FABP5: variants seen among roughly 807,000 people sequenced by gnomAD.
FABP5 encodes fatty acid-binding protein 5.
A neutral mutation model predicts 16.9 loss-of-function variants in FABP5; 7 were observed. The observed-to-expected ratio is 0.41, with a 90% CI of 0.24 to 0.78. The LOEUF is 0.78. Ranked by LOEUF, FABP5 falls within the 30% of genes least tolerant of loss-of-function variation. FABP5 has a pLI of 0.30. For missense variants in FABP5, 119 were observed against 159.5 expected, an observed-to-expected ratio of 0.75 and a Z score of 1.37; for synonymous variants, 37 against 52.8, an observed-to-expected ratio of 0.70 and a Z score of 1.30.
At chr8:81,283,243 G>C (rs1260757294) in intron 1 of FABP5, 123 bp from the exon 2 acceptor site, 3 of 812,112 alleles carry the variant, frequency 3.7e-6, no homozygotes, top group Non-Finnish European at 5.8e-6. Flanking sequence ...GTTTACAATA[G>C]TTATCAATAA....
chr8:81,282,721 T>C (rs1395721009), intron 1 of FABP5, among the ~76,000 whole-genome samples: 1 of 152,198 alleles, frequency 6.6e-6, no homozygotes, highest in Middle Eastern at 3.2e-3. Flanking sequence ...TTTTCCCATT[T>C]GTTAGCATCA....
Position 81,281,473 on chromosome 8 carries a change from A to T in FABP5, c.79+799A>T. 1 of 985,498 alleles carries T rather than the reference A, an allele frequency of 1.0e-6. No homozygotes were observed. The highest frequency in any genetic ancestry group is 1.1e-4 in the East Asian group (1 of 8,780). The allele number at this position is 985,498 out of a possible 1,614,324, so 61.0% of individuals were successfully genotyped here. On this transcript the variant is annotated intron_variant, in intron 1 of 3. Coordinates refer to ENST00000297258, the MANE Select transcript of FABP5 (RefSeq NM_001444.3). The surrounding 1 kb of genome is among the most constrained non-coding windows in gnomAD (Gnocchi z 4.5). ...GCGGGTGGCCTGTGGGAGGAGCGCA[A>T]TGAGGCCTGGGGGTGGCCGTGTGTT...
intron 1 of FABP5, chr8:81,282,908 T>A (rs1338731552): frequency 6.5e-6 from 1 of 152,748 alleles, no homozygotes; most frequent in African/African-American, 2.4e-5. Flanking sequence ...TTGAGCAAAC[T>A]CCTGAATTTG....
chr8:81,283,577 G>A (rs752537815), intron 2 of FABP5, 39 bp downstream of exon 2: 1 of 1,565,150 alleles, frequency 6.4e-7, no homozygotes. Context: ...GAAGCTTCTA[G>A]AATGATAGGC....
intron 1 of FABP5, 133 bp downstream of exon 1, chr8:81,280,807 C>A: frequency 1.2e-6 from 1 of 804,410 alleles, no homozygotes; most frequent in Non-Finnish European, 2.0e-6. Context: ...CCCATCTTCC[C>A]CACCACGCGG....
chr8:81,284,397 T>TC (rs1376729241), intron 3 of FABP5, 117 bp from the exon 4 acceptor site: 1 of 667,634 alleles, frequency 1.5e-6, no homozygotes, highest in Non-Finnish European at 2.6e-6. Flanking sequence ...AGAAATTTTC[T>TC]CCATCTATGA....
intron 3 of FABP5, 74 bp from the exon 4 acceptor site, chr8:81,284,440 C>A: frequency 2.0e-6 from 2 of 982,122 alleles, no homozygotes; most frequent in South Asian, 1.4e-5. Flanking sequence ...GACTTTGATT[C>A]TAATGTTTTA....
At chr8:81,283,623 C>G (rs1470591770) in intron 2 of FABP5, 85 bp downstream of exon 2, 1 of 1,357,958 alleles carries the variant, frequency 7.4e-7, no homozygotes, top group East Asian at 2.4e-5. Context: ...TAGGCAAGAA[C>G]TTAATGAAAA....
At chr8:81,282,167 AGTGTGTGTGTGTGTGT>A (rs10700115) in intron 1 of FABP5, among the ~76,000 whole-genome samples, 7 of 147,692 alleles carry the variant, frequency 4.7e-5, no homozygotes. Context: ...AATAAATAAC[AGTGTGTGTGTGTGTGT>A]GTGTGTGTGT....
rs1261575935 is a variant in FABP5 at position 81,283,922 on chromosome 8, A to C, written c.302A>C (p.Asp101Ala). The C allele has an allele frequency of 6.2e-7, 1 of 1,612,706 alleles. No homozygotes were observed. The highest frequency in any genetic ancestry group is 8.5e-7 in the Non-Finnish European group (1 of 1,179,370). ...GCATTGGTTCAGCATCAGGAGTGGG[A>C]TGGGAAGGAAAGCACAATAACAAGA... ...DGALVQHQEW[D>A]GKESTITRKL... is the part of the protein sequence containing the mutation. Residue 101 changes from aspartate (D) to alanine (A), a missense_variant, in exon 3 of 4, where the codon GAT becomes GCT. Asp to Ala is a moderately radical substitution (Grantham distance 126, BLOSUM62 -2). Coordinates refer to ENST00000297258, the MANE Select transcript of FABP5 (RefSeq NM_001444.3).
intron 3 of FABP5, 110 bp downstream of exon 3, chr8:81,284,084 G>C: frequency 1.3e-6 from 1 of 793,988 alleles, no homozygotes; most frequent in Middle Eastern, 2.3e-4. Flanking sequence ...AGAAAAAAAA[G>C]CAAAATAACA....
Position 81,283,383 on chromosome 8 carries a change from C to G in FABP5, c.97C>G (p.Arg33Gly). 1 of 1,594,752 alleles carries G rather than the reference C, an allele frequency of 6.3e-7. No individual in the cohort carries two copies. The highest frequency in any genetic ancestry group is 8.5e-7 in the Non-Finnish European group (1 of 1,171,916). Residue 33 changes from arginine (R) to glycine (G), a missense_variant, in exon 2 of 4, where the codon CGA becomes GGA. By Grantham distance (125) the Arg-to-Gly change is moderately radical. Coordinates refer to ENST00000297258, the MANE Select transcript of FABP5 (RefSeq NM_001444.3). The part of the protein sequence containing the change: ...MKELGVGIAL[R>G]KMGAMAKPDC... ...TTCTACAGGAGTGGGAATAGCTTTG[C>G]GAAAAATGGGCGCAATGGCCAAGCC...
chr8:81,284,140 T>C (rs1828544814), intron 3 of FABP5, 166 bp downstream of exon 3: 5 of 597,412 alleles, frequency 8.4e-6, no homozygotes, highest in East Asian at 5.6e-5. Context: ...CTAGTGGAGA[T>C]AGAGAAGTGA....
At chr8:81,283,118 G>A in intron 1 of FABP5, 1 of 338,604 alleles carries the variant, frequency 3.0e-6, no homozygotes, top group South Asian at 1.2e-4. Flanking sequence ...TTACTTCCGT[G>A]CCTCGCTTTC....
chr8:81,280,849 G>A, intron 1 of FABP5, 175 bp downstream of exon 1: 2 of 606,822 alleles, frequency 3.3e-6, no homozygotes, highest in Non-Finnish European at 5.9e-6. Flanking sequence ...GCACCACGCG[G>A]GCAGGCGGCG....
In FABP5 at chr8:81,280,740, C is replaced by G. The variant is rs986950867; in HGVS notation, c.79+66C>G. On this transcript the variant is annotated intron_variant, in intron 1 of 3. Transcript: ENST00000297258. Reference sequence around the variant, plus strand: ...TGTGCGGTCGTCTGTCCCTAGGTCCCCGTCAGCGTGCCAGATTCTGGGGCA... The same window carrying G: ...TGTGCGGTCGTCTGTCCCTAGGTCCGCGTCAGCGTGCCAGATTCTGGGGCA... The G allele has an allele frequency of 3.5e-6, 5 of 1,430,784 alleles. No homozygotes were observed. The African/African-American group carries it at 7.1e-5, about 20-fold the overall frequency. The allele number at this position is 1,430,784 out of a possible 1,614,324, so 88.6% of individuals were successfully genotyped here.
chr8:81,281,552 G>C lies in FABP5; in HGVS notation c.79+878G>C. The C allele has an allele frequency of 1.0e-6, 1 of 985,782 alleles. No individual in the cohort carries two copies. Among genetic ancestry groups the C allele is most frequent in the Non-Finnish European group, 1.2e-6 (1 of 830,210 alleles). 61.1% of individuals were successfully genotyped at this position (985,782 alleles called of 1,614,324 possible). On this transcript the variant is annotated intron_variant, in intron 1 of 3. Coordinates refer to ENST00000297258, the MANE Select transcript of FABP5 (RefSeq NM_001444.3). The surrounding 1 kb of genome is among the most constrained non-coding windows in gnomAD (Gnocchi z 4.5). Reference sequence around the variant, plus strand: ...GAGGAGGAAGGAGGCAGTGGGCTTTGCTGGAAAACCGTAACAGAAACTGCC... The same window carrying C: ...GAGGAGGAAGGAGGCAGTGGGCTTTCCTGGAAAACCGTAACAGAAACTGCC...
chr8:81,283,060 T>C, intron 1 of FABP5: 1 of 221,380 alleles, frequency 4.5e-6, no homozygotes, highest in Non-Finnish European at 8.8e-6. Context: ...GTGCCAGTGC[T>C]CTTGGTTCCC....
In FABP5 at chr8:81,281,300, C is replaced by G. The variant is rs1807826778; in HGVS notation, c.79+626C>G. The G allele has an allele frequency of 1.0e-6, 1 of 964,404 alleles. No individual in the cohort carries two copies. Among genetic ancestry groups the G allele is most frequent in the South Asian group, 4.8e-5 (1 of 20,860 alleles). 59.7% of individuals were successfully genotyped at this position (964,404 alleles called of 1,614,324 possible). On this transcript the variant is annotated intron_variant, in intron 1 of 3. Transcript: ENST00000297258. This position sits in a 1 kb window ranked among gnomAD's most constrained non-coding sequence, Gnocchi z 4.5. The stretch of plus-strand genomic sequence containing the variant: ...CTTCAGCTTGCATTCCTCTGTCAGC[C>G]CCGTCTCCCCCAGGTCCTCTGCTCG...
Sources: gnomAD v4.1 joint callset for allele counts (sites outside exome capture counted in the v4.1 genomes callset) on GRCh38, gnomAD v4.1.1 for gene constraint, Gnocchi (gnomAD v3.1) non-coding constraint, MANE v1.5 for transcripts, NCBI Gene and HGNC (gene_info 2026-07-23, HGNC 2026-07-21) for gene names.